The following SRFBP1 variants were observed in gnomAD, a reference collection of about 807,000 sequenced individuals.
SRFBP1 encodes serum response factor-binding protein 1.
A neutral mutation model predicts 45.5 loss-of-function variants in SRFBP1; 47 were observed. The observed-to-expected ratio is 1.03, with a 90% CI of 0.82 to 1.32. SRFBP1 has a LOEUF of 1.32. SRFBP1 is among the 40% of genes most tolerant of loss of function. The pLI is 0.00. For missense variants in SRFBP1, 621 were observed against 484.6 expected, an observed-to-expected ratio of 1.28 and a Z score of -2.64; for synonymous variants, 203 against 166.3, an observed-to-expected ratio of 1.22 and a Z score of -1.70.
intron 4 of SRFBP1, among the ~76,000 whole-genome samples, chr5:122,008,143 C>T (rs1447114001): frequency 6.6e-6 from 1 of 151,832 alleles, no homozygotes; most frequent in African/African-American, 2.4e-5. Context: ...ACCACAAGTG[C>T]TGACCTGATA....
At chr5:122,073,135 C>T (rs1346503891) in intron 2 of SRFBP1, among the ~76,000 whole-genome samples, 3 of 152,188 alleles carry the variant, frequency 2.0e-5, no homozygotes, top group Admixed American at 2.0e-4. Context: ...TCCCAAGATG[C>T]CAACTGCTGA....
At chr5:122,068,429 T>A (rs1754360031) in intron 2 of SRFBP1, among the ~76,000 whole-genome samples, 1 of 152,120 alleles carries the variant, frequency 6.6e-6, no homozygotes, top group African/African-American at 2.4e-5. Flanking sequence ...GTCCTTCTGA[T>A]CTCACCACAT....
downstream of SRFBP1, among the ~76,000 whole-genome samples, chr5:122,028,862 A>G (rs6864787): frequency 0.011 from 1,620 of 152,308 alleles, 29 homozygotes; most frequent in African/African-American, 0.036. Context: ...CTCAACTGGA[A>G]GGAGTTACGG....
chr5:121,978,938 C>G (rs1752356971), intron 3 of SRFBP1, among the ~76,000 whole-genome samples: 1 of 152,156 alleles, frequency 6.6e-6, no homozygotes, highest in Admixed American at 6.6e-5. Context: ...TTAAAACTTT[C>G]TCCTTTTGTT....
rs562456515 is a variant in SRFBP1 at position 121,975,390 on chromosome 5, A to G, written c.198+3A>G. ...TTGAAGAAATCCATGCCATGAAGGT[A>G]AGGACTTGTGTGGGTGTGTATGTGT... On this transcript the variant is annotated splice_donor_region_variant and intron_variant, in intron 3 of 7. Coordinates refer to ENST00000339397, the MANE Select transcript of SRFBP1 (RefSeq NM_152546.3). The G allele has an allele frequency of 1.2e-6, 2 of 1,613,186 alleles. No individual in the cohort carries two copies. The highest frequency in any genetic ancestry group is 2.2e-5 in the East Asian group (1 of 44,838).
At chr5:122,001,141 A>G (rs1045402685) in intron 4 of SRFBP1, among the ~76,000 whole-genome samples, 1 of 152,000 alleles carries the variant, frequency 6.6e-6, no homozygotes, top group African/African-American at 2.4e-5. Context: ...AAGTGATGGG[A>G]TAATTCAAAT....
intron 4 of SRFBP1, among the ~76,000 whole-genome samples, chr5:121,998,381 T>C (rs1259137737): frequency 6.9e-5 from 10 of 145,466 alleles, no homozygotes; most frequent in Non-Finnish European, 1.2e-4. Flanking sequence ...TGGATGAAAT[T>C]GGAAATCATC....
At chr5:122,030,967 C>T (rs1753580603), downstream of SRFBP1, among the ~76,000 whole-genome samples, 1 of 152,084 alleles carries the variant, frequency 6.6e-6, no homozygotes, top group South Asian at 2.1e-4. Flanking sequence ...TGTGCATACT[C>T]AGGAAAAAGC....
chr5:122,012,509 A>G (rs1026592774), intron 4 of SRFBP1, among the ~76,000 whole-genome samples: 1 of 152,040 alleles, frequency 6.6e-6, no homozygotes, highest in Non-Finnish European at 1.5e-5. Flanking sequence ...TAAGTTTTTC[A>G]TTTGCACAGT....
intron 4 of SRFBP1, among the ~76,000 whole-genome samples, chr5:121,995,690 C>T (rs1234395844): frequency 6.6e-6 from 1 of 151,842 alleles, no homozygotes; most frequent in Non-Finnish European, 1.5e-5. Context: ...AATAGAGACA[C>T]AAAAAACCCT....
Position 122,057,605 on chromosome 5 carries a change from G to T in SRFBP1, n.312-17710G>T, listed in dbSNP as rs1430626455. Among the ~76,000 whole-genome samples the T allele has an allele frequency of 4.6e-5, 7 of 151,234 alleles. No individual in the cohort carries two copies. The East Asian group carries it at 1.4e-3, about 29-fold the overall frequency. On this transcript the variant is annotated intron_variant and non_coding_transcript_variant, in intron 2 of 2. Coordinates refer to the SRFBP1 transcript ENST00000504881. ...GTCTCCCAAAGTGTTGAGATTGCTGGTGTGTGCCACCACTCCTGGACTGCT... is the reference window on the plus strand; with the variant it reads ...GTCTCCCAAAGTGTTGAGATTGCTGTTGTGTGCCACCACTCCTGGACTGCT...
chr5:122,048,300 A>G (rs1260541613), intron 2 of SRFBP1, among the ~76,000 whole-genome samples: 1 of 152,198 alleles, frequency 6.6e-6, no homozygotes, highest in Non-Finnish European at 1.5e-5. Flanking sequence ...CTATTGAGAT[A>G]ATCCTATGGT....
At chr5:122,069,984 T>C (rs757576137) in intron 2 of SRFBP1, 5 of 1,041,690 alleles carry the variant, frequency 4.8e-6, no homozygotes, top group Admixed American at 3.4e-5. Context: ...ATACATTCTA[T>C]GTATAATGTT....
At chr5:121,970,366 T>G (rs970369398) in intron 1 of SRFBP1, among the ~76,000 whole-genome samples, 7 of 152,140 alleles carry the variant, frequency 4.6e-5, no homozygotes, top group Admixed American at 2.6e-4. Context: ...TTAACAGTGG[T>G]TAGCAAATGG....
chr5:122,024,359 A>G (rs1427965715), intron 7 of SRFBP1, among the ~76,000 whole-genome samples: 3 of 152,016 alleles, frequency 2.0e-5, no homozygotes, highest in African/African-American at 7.3e-5. Flanking sequence ...CCAAATTTTT[A>G]TGTTATTGTA....
chr5:122,035,970 A>G lies in SRFBP1; in HGVS notation n.311+13563A>G, dbSNP rs761088629. On this transcript the variant is annotated intron_variant and non_coding_transcript_variant, in intron 2 of 2. Coordinates refer to the SRFBP1 transcript ENST00000504881. ...GTCAAGTTCAATACTCCTCTCCTAC[A>G]GTGAATCTACAGGTATCAAACAAAC... 3.9e-5 allele frequency among the ~76,000 whole-genome samples: 6 copies of G among 152,308 alleles called. No individual in the cohort carries two copies. In the East Asian group the frequency reaches 1.2e-3, roughly 29 times the overall value.
intron 1 of SRFBP1, among the ~76,000 whole-genome samples, chr5:121,967,398 C>T (rs542755987): frequency 1.1e-4 from 16 of 152,264 alleles, no homozygotes; most frequent in African/African-American, 3.1e-4. Flanking sequence ...TGCTAGGTGG[C>T]AGCATATGCC....
chr5:122,013,433 A>C (rs1228838450), intron 4 of SRFBP1, among the ~76,000 whole-genome samples: 3 of 152,126 alleles, frequency 2.0e-5, no homozygotes, highest in Admixed American at 2.0e-4. Context: ...TTTGTTAAAA[A>C]ATTCAACTCA....
chr5:121,983,042 A>C (rs1752443775), intron 3 of SRFBP1, among the ~76,000 whole-genome samples: 1 of 151,714 alleles, frequency 6.6e-6, no homozygotes, highest in Admixed American at 6.6e-5. Flanking sequence ...AGAGTTAAAT[A>C]TTACAACATA....
Sources: allele counts gnomAD v4.1 joint callset (sites outside exome capture counted in the v4.1 genomes callset), GRCh38; gene constraint gnomAD v4.1.1; transcripts MANE v1.5; gene names NCBI Gene and HGNC (gene_info 2026-07-23, HGNC 2026-07-21).